Variants in DYSF observed in about 807,000 individuals in gnomAD.
The protein encoded by DYSF is dystrophy-associated fer-1-like 1.
Under a neutral mutation model 274.9 loss-of-function variants are expected in DYSF, and 212 were observed. The observed-to-expected ratio is 0.77, with a 90% CI of 0.69 to 0.86. The LOEUF (loss-of-function observed/expected upper bound fraction) is 0.86. Ranked by LOEUF, DYSF falls within the 40% of genes least tolerant of loss-of-function variation. The pLI, the probability that DYSF is intolerant of heterozygous loss-of-function variation, is 0.00. For synonymous variants in DYSF, 1,091 were observed against 1,078.7 expected (o/e 1.01, Z -0.22); for missense variants, 2,666 against 2,783.2 (o/e 0.96, Z 0.95).
At chr2:71,639,541 T>C (rs890686772) in intron 41 of DYSF, among the ~76,000 whole-genome samples, 1 of 152,168 alleles carries the variant, frequency 6.6e-6, no homozygotes, top group East Asian at 1.9e-4. Context: ...TGAGTAACTT[T>C]TCATGTCAGT....
intron 24 of DYSF, 73 bp from the exon 25 acceptor site, chr2:71,567,878 C>T (rs926467399): frequency 1.3e-6 from 2 of 1,590,116 alleles, no homozygotes; most frequent in African/African-American, 1.3e-5. Flanking sequence ...GAGGACTCCT[C>T]CTCCCCAGCC....
rs138268837 is a variant in DYSF, at chr2:71,612,672, C to T, written c.4253C>T (p.Pro1418Leu). ...CCCAGGGAGGAGCTCTACTGCCCCC[C>T]CATCACCGTCAAGGTCATCGATAAC... Reference protein sequence around the residue: ...MLPREELYCPPITVKVIDNRQ... With the variant: ...MLPREELYCPLITVKVIDNRQ... Residue 1418 changes from proline (P) to leucine (L), a missense_variant, in exon 39 of 56, where the codon CCC becomes CTC. Physicochemically the swap from Pro to Leu is moderately conservative, Grantham distance 98. Around this residue, in one of 3 missense-constraint regions of DYSF, gnomAD observed 1,460 missense variants for 1,502.1 expected, o/e 0.97. Transcript: ENST00000410020. The T allele has an allele frequency of 2.5e-6, 4 of 1,614,062 alleles. No homozygotes were observed. The highest frequency in any genetic ancestry group is 2.2e-5 in the East Asian group (1 of 44,886).
chr2:71,612,501 C>T, intron 38 of DYSF, 140 bp from the exon 39 acceptor site: 11 of 1,332,962 alleles, frequency 8.3e-6, no homozygotes, highest in Non-Finnish European at 1.1e-5. Flanking sequence ...CTCGACTGCC[C>T]AGCTCTGGGC....
rs377581678 is a variant in DYSF at position 71,480,395 on chromosome 2, C to CACACAT, written c.92-485_92-484insCATACA. Among the ~76,000 whole-genome samples, 983 of 152,056 alleles carry CACACAT rather than the reference C, an allele frequency of 6.5e-3. 14 individuals carry two copies. Among genetic ancestry groups the CACACAT allele is most frequent in the African/African-American group, 0.022 (932 of 41,450 alleles). On this transcript the variant is annotated intron_variant, in intron 1 of 55. Transcript: ENST00000410020. Reference sequence around the variant, plus strand: ...ACACACACACACACGCACACACACACACATACACACCAGCTTGATCTAGTG... The same window carrying CACACAT: ...ACACACACACACACGCACACACACACACACATACATACACACCAGCTTGATCTAGTG...
At chr2:71,504,139 A>G (rs998084272) in intron 4 of DYSF, among the ~76,000 whole-genome samples, 1 of 152,146 alleles carries the variant, frequency 6.6e-6, no homozygotes, top group African/African-American at 2.4e-5. Context: ...TCTGAATGGA[A>G]CGAGACTGGA....
At chr2:71,657,425 T>C (rs2152939189) in intron 43 of DYSF, among the ~76,000 whole-genome samples, 1 of 152,260 alleles carries the variant, frequency 6.6e-6, no homozygotes, top group South Asian at 2.1e-4. Context: ...GGATTTACCA[T>C]TCTAGGGTCT....
At chr2:71,470,765 C>T (rs1233368200) in intron 1 of DYSF, among the ~76,000 whole-genome samples, 1 of 142,722 alleles carries the variant, frequency 7.0e-6, no homozygotes, top group East Asian at 2.0e-4. Context: ...TCCTTCCTTC[C>T]TTCCTTCCTT....
chr2:71,618,039 G>GGT (rs140078695), intron 40 of DYSF, among the ~76,000 whole-genome samples: 695 of 50,282 alleles, frequency 0.014, 43 homozygotes, highest in African/African-American at 0.048. Flanking sequence ...TGGTAGAGAT[G>GGT]GTGTGTGTGT....
At chr2:71,487,163 A>G (rs2083434615) in intron 3 of DYSF, among the ~76,000 whole-genome samples, 1 of 152,212 alleles carries the variant, frequency 6.6e-6, no homozygotes, top group African/African-American at 2.4e-5. Flanking sequence ...ACTTTCTGAG[A>G]TGATGGAAAT....
In DYSF at chr2:71,617,933, G is replaced by T. The variant is rs1198791725; in HGVS notation, c.4465-2614G>T. Among the ~76,000 whole-genome samples the T allele has an allele frequency of 3.0e-5, 4 of 132,908 alleles. No individual in the cohort carries two copies. The Admixed American group carries it at 3.1e-4, about 10-fold the overall frequency. 87.2% of individuals were successfully genotyped at this position (132,908 alleles called of 152,430 possible). A position where few individuals can be genotyped will look rare whatever the true frequency, so the allele number is the denominator to read the frequency against. On this transcript the variant is annotated intron_variant, in intron 40 of 55. Coordinates refer to ENST00000410020, the MANE Select transcript of DYSF (RefSeq NM_001130987.2). ...AGAGGTGTGTGTGTGTGGTAGAGGT[G>T]TGTGTGTGGTAGAGGTGGTGTGTGT...
upstream of DYSF, among the ~76,000 whole-genome samples, chr2:71,464,041 T>C (rs1008364571): frequency 6.6e-6 from 1 of 152,172 alleles, no homozygotes; most frequent in Non-Finnish European, 1.5e-5. Flanking sequence ...GACTCTCCTC[T>C]CTTTCCTTTT....
chr2:71,483,549 G>A (rs2083110014), intron 3 of DYSF, among the ~76,000 whole-genome samples: 1 of 152,304 alleles, frequency 6.6e-6, no homozygotes, highest in East Asian at 1.9e-4. Flanking sequence ...CGACACGTGC[G>A]GCCCTGTGAG....
In DYSF at chr2:71,570,046, A is replaced by C. The variant is rs10183967; in HGVS notation, c.2979+112A>C. The C allele has an allele frequency of 0.53, 585,097 of 1,111,420 alleles. 160,442 individuals are homozygous for C. Among genetic ancestry groups the C allele is most frequent in the African/African-American group, 0.8 (51,819 of 64,792 alleles). The allele number at this position is 1,111,420 out of a possible 1,614,324, so 68.8% of individuals were successfully genotyped here. ...TCTTTGCCCCCTCTTACCTCCGGAGACTTCATGCTTTGATTTCCAAAGGGA... is the reference window on the plus strand; with the variant it reads ...TCTTTGCCCCCTCTTACCTCCGGAGCCTTCATGCTTTGATTTCCAAAGGGA... On this transcript the variant is annotated intron_variant, in intron 27 of 55. Transcript: ENST00000410020.
chr2:71,542,132 C>T (rs567100497), intron 17 of DYSF, among the ~76,000 whole-genome samples: 4 of 152,134 alleles, frequency 2.6e-5, no homozygotes, highest in South Asian at 2.1e-4. Flanking sequence ...CTCCAGTCTC[C>T]GTAAAATGGG....
At chr2:71,498,020 G>A (rs776410210) in intron 3 of DYSF, among the ~76,000 whole-genome samples, 4 of 152,100 alleles carry the variant, frequency 2.6e-5, no homozygotes, top group Non-Finnish European at 5.9e-5. Flanking sequence ...GGAGGTTTGG[G>A]GAGATCCTTT....
At chr2:71,559,005 A>G (rs2091531081) in intron 22 of DYSF, among the ~76,000 whole-genome samples, 3 of 152,114 alleles carry the variant, frequency 2.0e-5, no homozygotes, top group Non-Finnish European at 4.4e-5. Context: ...TGAACACAGC[A>G]GCTCACCCTT....
Position 71,588,163 on chromosome 2 carries a change from C to T in DYSF, c.3403-1430C>T, listed in dbSNP as rs75547254. On this transcript the variant is annotated intron_variant, in intron 30 of 55. Transcript: ENST00000410020. ...GCGTGGTTTGCCTGAAGCCAAGGGC[C>T]GGGTTTGGGGGAAGAAAGCCTTGGT... 6.4e-3 allele frequency among the ~76,000 whole-genome samples: 972 copies of T among 152,120 alleles called. 11 individuals are homozygous for T. Among genetic ancestry groups the T allele is most frequent in the African/African-American group, 0.022 (926 of 41,500 alleles).
intron 22 of DYSF, among the ~76,000 whole-genome samples, chr2:71,559,838 T>C (rs2152801147): frequency 6.6e-6 from 1 of 152,348 alleles, no homozygotes; most frequent in East Asian, 1.9e-4. Context: ...GTCTCATCTC[T>C]GGAGGCAGCA....
At chr2:71,486,067 G>A (rs896783081) in intron 3 of DYSF, among the ~76,000 whole-genome samples, 1 of 152,138 alleles carries the variant, frequency 6.6e-6, no homozygotes, top group African/African-American at 2.4e-5. Context: ...TCAAGGGTTA[G>A]GTGGCTGTGC....
Sources: allele counts gnomAD v4.1 joint callset (sites outside exome capture counted in the v4.1 genomes callset), GRCh38; gene constraint gnomAD v4.1.1; regional missense constraint gnomAD v4.1.1; transcripts MANE v1.5; gene names NCBI Gene and HGNC (gene_info 2026-07-23, HGNC 2026-07-21).